Variants in CTNNA1 observed in about 807,000 individuals in gnomAD.
CTNNA1 encodes catenin alpha 1.
Under a neutral mutation model 98.4 loss-of-function variants are expected in CTNNA1, and 37 were observed. That is an observed-to-expected ratio of 0.38 (90% CI 0.29 to 0.49). CTNNA1 has a LOEUF of 0.49. CTNNA1 is among the 20% of genes least tolerant of loss of function. The probability of loss-of-function intolerance (pLI) is 0.95; values close to 1 mark genes in which losing one functional copy is unlikely to be tolerated. For missense variants in CTNNA1, 761 were observed against 1,147.2 expected, an observed-to-expected ratio of 0.66 and a Z score of 4.86; for synonymous variants, 404 against 413.2, an observed-to-expected ratio of 0.98 and a Z score of 0.27.
rs1322550470 is a variant in CTNNA1, at chr5:138,871,146, G to A, written c.1063-15066G>A. On this transcript the variant is annotated intron_variant, in intron 7 of 17. Transcript: ENST00000302763. ...ACTGGCTAAACTATAGCCTTAACAT[G>A]TTTTCAGTTTGATCCTGGGAAGAAA... is the stretch of plus-strand genomic sequence containing the variant. 7 of 152,128 alleles carry A rather than the reference G, an allele frequency of 4.6e-5. No homozygotes were observed. In the East Asian group the frequency reaches 7.7e-4, roughly 17 times the overall value. 9.4% of individuals were successfully genotyped at this position (152,128 alleles called of 1,614,324 possible). A position where few individuals can be genotyped will look rare whatever the true frequency, so the allele number is the denominator to read the frequency against.
In CTNNA1 at chr5:138,782,013, A is replaced by C. The variant is rs763858194; in HGVS notation, c.89A>C (p.Glu30Ala). 1 of 1,609,332 alleles carries C rather than the reference A, an allele frequency of 6.2e-7. No individual in the cohort carries two copies. Among genetic ancestry groups the C allele is most frequent in the Admixed American group, 1.7e-5 (1 of 58,342 alleles). Residue 30 changes from glutamate to alanine, a missense_variant, in exon 2 of 18, where the codon GAG (glutamate) becomes GCG (alanine). Transcript: ENST00000302763. ...IRTLAVERLL[E>A]PLVTQVTTLV... ...ACTCTGGCAGTTGAGAGACTGTTGG[A>C]GCCTCTTGTTACACAGGTAAGAATC...
chr5:138,783,450 C>A, intron 3 of CTNNA1, 78 bp downstream of exon 3: 1 of 1,252,194 alleles, frequency 8.0e-7, no homozygotes, highest in Non-Finnish European at 1.1e-6. Context: ...TTTTTGTGGT[C>A]AGTATTCTCA....
rs569979592 is a variant in CTNNA1 at position 138,853,049 on chromosome 5, C to T, written c.1062+25331C>T. On this transcript the variant is annotated intron_variant, in intron 7 of 17. Transcript: ENST00000302763. ...CTACACTATGTATTTGACCACTCCC[C>T]TCCCATGTGTTGTGTGTTTTTATTT... 9.2e-5 allele frequency among the ~76,000 whole-genome samples: 14 copies of T among 152,260 alleles called. No individual in the cohort carries two copies. The East Asian group carries it at 2.5e-3, about 27-fold the overall frequency.
At chr5:138,918,579 T>C (rs1038232919) in intron 11 of CTNNA1, among the ~76,000 whole-genome samples, 6 of 152,222 alleles carry the variant, frequency 3.9e-5, no homozygotes, top group Non-Finnish European at 5.9e-5. Context: ...TTGATTTCAT[T>C]ATATAAACAT....
chr5:138,872,874 A>C, intron 7 of CTNNA1: 1 of 562,850 alleles, frequency 1.8e-6, no homozygotes, highest in Non-Finnish European at 3.0e-6. Context: ...ATACTTCAAC[A>C]CTTCAAAAAC....
At chr5:138,851,808 T>C (rs11750250) in intron 7 of CTNNA1, among the ~76,000 whole-genome samples, 151,974 of 152,146 alleles carry the variant, frequency 1, 75,901 homozygotes, top group South Asian at 1. Context: ...GTAATCCCAG[T>C]ACTATGGGAG....
At chr5:138,825,430 T>C (rs1472743297) in intron 6 of CTNNA1, among the ~76,000 whole-genome samples, 1 of 148,348 alleles carries the variant, frequency 6.7e-6, no homozygotes, top group East Asian at 2.1e-4. Flanking sequence ...TTATGTGTTC[T>C]TAATTCCTAC....
chr5:138,766,117 T>G (rs1752914283), intron 1 of CTNNA1, among the ~76,000 whole-genome samples: 2 of 151,922 alleles, frequency 1.3e-5, no homozygotes, highest in East Asian at 3.8e-4. Flanking sequence ...TCGAAAGAGC[T>G]CTCAGTTTCA....
At chr5:138,809,007 C>T (rs532256289) in intron 3 of CTNNA1, among the ~76,000 whole-genome samples, 1 of 152,186 alleles carries the variant, frequency 6.6e-6, no homozygotes, top group African/African-American at 2.4e-5. Flanking sequence ...TTTAAAGAGA[C>T]AGGGTCTTGT....
At chr5:138,859,145 T>A (rs1212736494) in intron 7 of CTNNA1, among the ~76,000 whole-genome samples, 1 of 152,254 alleles carries the variant, frequency 6.6e-6, no homozygotes, top group Non-Finnish European at 1.5e-5. Context: ...TGATTAAAAA[T>A]TCCTTTGATA....
intron 9 of CTNNA1, among the ~76,000 whole-genome samples, chr5:138,902,392 G>A (rs1027296760): frequency 2.0e-5 from 3 of 152,176 alleles, no homozygotes; most frequent in Non-Finnish European, 4.4e-5. Flanking sequence ...AATAGGCAGG[G>A]TGCTGGGCAC....
At chr5:138,916,864 TC>T (rs1443294733) in intron 10 of CTNNA1, among the ~76,000 whole-genome samples, 1 of 152,124 alleles carries the variant, frequency 6.6e-6, no homozygotes, top group Non-Finnish European at 1.5e-5. Flanking sequence ...AGCCTCCACC[TC>T]CTGGGTTCAA....
At chr5:138,886,356 C>T (rs1221226546) in intron 8 of CTNNA1, 64 bp downstream of exon 8, 22 of 1,495,580 alleles carry the variant, frequency 1.5e-5, no homozygotes, top group Non-Finnish European at 1.7e-5. Context: ...TGATTAAAAT[C>T]CTAATAAGCA....
Position 138,782,249 on chromosome 5 carries a change from A to G in CTNNA1, c.105+220A>G, listed in dbSNP as rs700626. The G allele has an allele frequency of 0.72, 440,636 of 615,622 alleles. 159,035 individuals are homozygous for G. The highest frequency in any genetic ancestry group is 0.93 in the East Asian group (28,574 of 30,660). The allele number at this position is 615,622 out of a possible 1,614,324, so 38.1% of individuals were successfully genotyped here. A position where few individuals can be genotyped will look rare whatever the true frequency, so the allele number is the denominator to read the frequency against. Reference sequence around the variant, plus strand: ...CAGTCTTATTGCTAGTAACGGGTCCATGGTATGTAGTGCAACTTTGCAAAT... The same window carrying G: ...CAGTCTTATTGCTAGTAACGGGTCCGTGGTATGTAGTGCAACTTTGCAAAT... On this transcript the variant is annotated intron_variant, in intron 2 of 17. Transcript: ENST00000302763.
chr5:138,830,233 G>A (rs181486167), intron 7 of CTNNA1, among the ~76,000 whole-genome samples: 2 of 151,664 alleles, frequency 1.3e-5, no homozygotes, highest in East Asian at 1.9e-4. Flanking sequence ...TGGTGTGGGG[G>A]CCCCTGTAGT....
At position 138,827,372 on chromosome 5, in the gene CTNNA1, C is replaced by G. The variant is rs1245099921; in HGVS notation, c.859-143C>G. The G allele has an allele frequency of 5.7e-6, 5 of 883,942 alleles. No individual in the cohort carries two copies. In the Admixed American group the frequency reaches 6.6e-5, roughly 12 times the overall value. 54.8% of individuals were successfully genotyped at this position (883,942 alleles called of 1,614,324 possible). A position where few individuals can be genotyped will look rare whatever the true frequency, so the allele number is the denominator to read the frequency against. ...GTAGGCCATCTTCTGTGGGACAGCCCCTTACCTGCTAAGAAGTATAACTTT... is the reference window on the plus strand; with the variant it reads ...GTAGGCCATCTTCTGTGGGACAGCCGCTTACCTGCTAAGAAGTATAACTTT... On this transcript the variant is annotated intron_variant, in intron 6 of 17. Transcript: ENST00000302763.
intron 10 of CTNNA1, among the ~76,000 whole-genome samples, chr5:138,914,035 C>T (rs1332407307): frequency 2.6e-5 from 4 of 152,088 alleles, no homozygotes; most frequent in South Asian, 2.1e-4. Context: ...CTTTCTATTC[C>T]AAATTTAGTA....
At chr5:138,821,982 C>CT (rs1024558376) in intron 5 of CTNNA1, among the ~76,000 whole-genome samples, 5 of 152,236 alleles carry the variant, frequency 3.3e-5, no homozygotes, top group African/African-American at 1.2e-4. Context: ...AATCTAATTT[C>CT]TTTGTGCTAA....
chr5:138,893,656 C>G (rs1756017722), intron 9 of CTNNA1, among the ~76,000 whole-genome samples: 1 of 151,858 alleles, frequency 6.6e-6, no homozygotes, highest in Non-Finnish European at 1.5e-5. Flanking sequence ...TGGAGTCTCT[C>G]TCTGTCACCC....
Sources: gnomAD v4.1 joint callset for allele counts (sites outside exome capture counted in the v4.1 genomes callset) on GRCh38, gnomAD v4.1.1 for gene constraint, MANE v1.5 for transcripts, NCBI Gene and HGNC (gene_info 2026-07-23, HGNC 2026-07-21) for gene names.